The following HOMER1 variants were observed in gnomAD, a reference collection of about 807,000 sequenced individuals.
HOMER1 encodes homer scaffold protein 1.
Under a neutral mutation model 48.9 loss-of-function variants are expected in HOMER1, and 3 were observed. The observed-to-expected ratio is 0.06, with a 90% CI of 0.03 to 0.16. The LOEUF (loss-of-function observed/expected upper bound fraction) is 0.16. Ranked by LOEUF, HOMER1 falls within the 10% of genes least tolerant of loss-of-function variation. The pLI, the probability that HOMER1 is intolerant of heterozygous loss-of-function variation, is 1.00. For synonymous variants in HOMER1, 134 were observed against 146.4 expected, an observed-to-expected ratio of 0.92 and a Z score of 0.61; for missense variants, 247 against 411.4, an observed-to-expected ratio of 0.60 and a Z score of 3.46.
intron 5 of HOMER1, among the ~76,000 whole-genome samples, chr5:79,403,434 T>A (rs1749583097): frequency 6.6e-6 from 1 of 152,182 alleles, no homozygotes; most frequent in Non-Finnish European, 1.5e-5. Context: ...AACCCCCTGA[T>A]ATGATGTACA....
intron 1 of HOMER1, among the ~76,000 whole-genome samples, chr5:79,471,333 G>T (rs1186894828): frequency 1.3e-5 from 2 of 151,870 alleles, no homozygotes; most frequent in African/African-American, 4.8e-5. Context: ...ATCACCTGAG[G>T]TCAGGAGTTC....
intron 5 of HOMER1, among the ~76,000 whole-genome samples, chr5:79,438,159 AT>A (rs1382634560): frequency 6.6e-6 from 1 of 152,178 alleles, no homozygotes; most frequent in Non-Finnish European, 1.5e-5. Flanking sequence ...ATGCCAAAGG[AT>A]TTTTTTAAAA....
chr5:79,504,879 T>C (rs1752705031), intron 1 of HOMER1, among the ~76,000 whole-genome samples: 1 of 152,182 alleles, frequency 6.6e-6, no homozygotes, highest in South Asian at 2.1e-4. Flanking sequence ...TCAACTAATA[T>C]TGCACATATG....
intron 1 of HOMER1, among the ~76,000 whole-genome samples, chr5:79,467,845 G>T (rs6876899): frequency 5.3e-5 from 8 of 151,828 alleles, no homozygotes; most frequent in Non-Finnish European, 8.8e-5. Context: ...GGTGCGATCA[G>T]AGCTCACTTC....
chr5:79,456,023 C>T (rs1025793561), intron 2 of HOMER1, among the ~76,000 whole-genome samples: 6 of 151,884 alleles, frequency 4.0e-5, no homozygotes, highest in South Asian at 2.1e-4. Flanking sequence ...GGCATGGAGG[C>T]GCACGCCTGT....
chr5:79,376,740 G>C (rs193101059), intron 8 of HOMER1, among the ~76,000 whole-genome samples: 1,872 of 152,216 alleles, frequency 0.012, 21 homozygotes, highest in South Asian at 0.038. Context: ...TATGTAGAGA[G>C]TATCACTCAA....
rs540262311 is a variant in HOMER1 at position 79,374,943 on chromosome 5, C to G, written c.*1066G>C. 3.3e-5 allele frequency: 5 copies of G among 151,986 alleles called. No homozygotes were observed. The highest frequency in any genetic ancestry group is 1.2e-4 in the African/African-American group (5 of 41,414). The allele number at this position is 151,986 out of a possible 1,614,324, so 9.4% of individuals were successfully genotyped here. A position where few individuals can be genotyped will look rare whatever the true frequency, so the allele number is the denominator to read the frequency against. ...ATAGAGTACATGACTCCATCTCTAT[C>G]TGCCACGATCACAATTTAGATAGAG... On this transcript the variant is annotated 3_prime_UTR_variant, in exon 9 of 9. Transcript: ENST00000334082.
At chr5:79,395,314 T>C (rs981517974) in intron 8 of HOMER1, among the ~76,000 whole-genome samples, 13 of 152,216 alleles carry the variant, frequency 8.5e-5, no homozygotes, top group Non-Finnish European at 1.5e-4. Context: ...ATTTAAGTTC[T>C]ACATCAGGAT....
At chr5:79,410,178 G>C (rs968922711) in intron 5 of HOMER1, among the ~76,000 whole-genome samples, 6 of 151,906 alleles carry the variant, frequency 3.9e-5, no homozygotes, top group African/African-American at 9.7e-5. Flanking sequence ...TTAATAATCT[G>C]TCTTTCTAGA....
intron 1 of HOMER1, among the ~76,000 whole-genome samples, chr5:79,478,946 C>T (rs1477304036): frequency 6.7e-6 from 1 of 149,120 alleles, no homozygotes; most frequent in Non-Finnish European, 1.5e-5. Flanking sequence ...AGCGAGACTC[C>T]GTCAAAAAAA....
At chr5:79,457,133 G>A (rs1751196395) in intron 1 of HOMER1, 115 bp from the exon 2 acceptor site, 1 of 931,720 alleles carries the variant, frequency 1.1e-6, no homozygotes, top group Admixed American at 2.3e-5. Context: ...CCACATACCT[G>A]AAAGTAAGAG....
In HOMER1 at chr5:79,398,774, G is replaced by C. The variant is rs559923143; in HGVS notation, c.685-1137C>G. On this transcript the variant is annotated intron_variant, in intron 6 of 8. Transcript: ENST00000334082. ...CCATCCACACTGCCCAAGATACTCA[G>C]TGAGTACTTCCAACTAAAAGCAGGC... Among the ~76,000 whole-genome samples, 9 of 152,244 alleles carry C rather than the reference G, an allele frequency of 5.9e-5. No individual in the cohort carries two copies. In the South Asian group the frequency reaches 1.7e-3, roughly 28 times the overall value.
intron 5 of HOMER1, among the ~76,000 whole-genome samples, chr5:79,406,404 G>C (rs1053237175): frequency 5.3e-5 from 8 of 152,138 alleles, no homozygotes; most frequent in Admixed American, 5.2e-4. Context: ...GAGCAAGATG[G>C]CTACCACAAG....
At chr5:79,405,176 A>G (rs1043519800) in intron 5 of HOMER1, among the ~76,000 whole-genome samples, 2 of 152,144 alleles carry the variant, frequency 1.3e-5, no homozygotes, top group African/African-American at 4.8e-5. Context: ...ATAATCCAGT[A>G]TAAATGGTGT....
chr5:79,421,681 C>A (rs1315960773), intron 5 of HOMER1, among the ~76,000 whole-genome samples: 2 of 151,808 alleles, frequency 1.3e-5, no homozygotes, highest in Non-Finnish European at 2.9e-5. Flanking sequence ...TCTTGGCTCA[C>A]TGCAACCTCC....
intron 5 of HOMER1, among the ~76,000 whole-genome samples, chr5:79,422,520 A>T (rs566869044): frequency 6.6e-6 from 1 of 152,122 alleles, no homozygotes; most frequent in Admixed American, 6.5e-5. Context: ...CTATCTATAG[A>T]TTTTAGAAAA....
intron 1 of HOMER1, among the ~76,000 whole-genome samples, chr5:79,511,842 T>C (rs1752954055): frequency 6.6e-6 from 1 of 152,218 alleles, no homozygotes; most frequent in Non-Finnish European, 1.5e-5. Flanking sequence ...CTTTAAAACA[T>C]GCCCCTCAAC....
chr5:79,379,463 A>C (rs915646911), intron 8 of HOMER1, among the ~76,000 whole-genome samples: 14 of 113,608 alleles, frequency 1.2e-4, no homozygotes, highest in Non-Finnish European at 2.3e-4. Context: ...TATATAATAT[A>C]TATTTTATAT....
chr5:79,504,098 A>G (rs1360786244), intron 1 of HOMER1, among the ~76,000 whole-genome samples: 2 of 152,224 alleles, frequency 1.3e-5, no homozygotes, highest in Non-Finnish European at 2.9e-5. Flanking sequence ...ATACACAACT[A>G]AAATCTTACA....
Sources: gnomAD v4.1 joint callset for allele counts (sites outside exome capture counted in the v4.1 genomes callset) on GRCh38, gnomAD v4.1.1 for gene constraint, MANE v1.5 for transcripts, NCBI Gene and HGNC (gene_info 2026-07-23, HGNC 2026-07-21) for gene names.